CBR3: variants seen among roughly 807,000 people sequenced by gnomAD.
CBR3 encodes carbonyl reductase [NADPH] 3.
A neutral mutation model predicts 11.6 loss-of-function variants in CBR3; 14 were observed. The ratio of observed to expected loss-of-function variants is 1.20; its 90% CI spans 0.79 to 1.88. CBR3 has a LOEUF of 1.88. Among genes scored for constraint, CBR3 ranks in the 40% most tolerant of loss-of-function variants. The pLI is 0.00. For synonymous variants in CBR3, 125 were observed against 145.6 expected (o/e 0.86, Z 1.02); for missense variants, 308 against 357.3 (o/e 0.86, Z 1.11).
At position 36,146,183 on chromosome 21, in the gene CBR3, G is replaced by A. The variant is rs1229241189; in HGVS notation, c.505G>A (p.Val169Met). Residue 169 changes from valine to methionine, a missense_variant, in exon 3 of 3, where the codon GTG becomes ATG. Physicochemically the swap from Val to Met is conservative, Grantham distance 21 (BLOSUM62 1). Coordinates refer to ENST00000290354, the MANE Select transcript of CBR3 (RefSeq NM_001236.4). ...HSETLTEGDL[V>M]DLMKKFVEDT... is the part of the protein sequence containing the mutation. Reference sequence around the variant, plus strand: ...TGAGACACTCACAGAAGGAGACCTGGTGGATCTCATGAAAAAGTTTGTGGA... The same window carrying A: ...TGAGACACTCACAGAAGGAGACCTGATGGATCTCATGAAAAAGTTTGTGGA... The A allele has an allele frequency of 1.2e-6, 2 of 1,614,122 alleles. No homozygotes were observed. The highest frequency in any genetic ancestry group is 1.7e-6 in the Non-Finnish European group (2 of 1,180,002).
chr21:36,140,189 G>A (rs1043552037), intron 2 of CBR3, among the ~76,000 whole-genome samples: 1 of 151,962 alleles, frequency 6.6e-6, no homozygotes, highest in Non-Finnish European at 1.5e-5. Flanking sequence ...GCACTCAGAC[G>A]CAAAAAGTTC....
Position 36,135,357 on chromosome 21 carries a change from G to A in CBR3, c.165G>A (p.Leu55=). 6.2e-7 allele frequency: 1 copy of A among 1,612,836 alleles called. No individual in the cohort carries two copies. Among genetic ancestry groups the A allele is most frequent in the Non-Finnish European group, 8.5e-7 (1 of 1,179,802 alleles). Reference sequence around the variant, plus strand: ...TGCAGCAGCTGCAGGCGGAGGGCCTGAGCCCGCGCTTCCACCAACTGGACA... The same window carrying A: ...TGCAGCAGCTGCAGGCGGAGGGCCTAAGCCCGCGCTTCCACCAACTGGACA... ...AAVQQLQAEG[L]SPRFHQLDID... is the part of the protein sequence containing the mutation. The change falls in exon 1 of 3, where the codon CTG becomes CTA. Residue 55 remains leucine (L), a synonymous_variant. Transcript: ENST00000290354.
At position 36,135,185 on chromosome 21, in the gene CBR3, G is replaced by A. The variant is rs2123332551; in HGVS notation, c.-8G>A. The A allele has an allele frequency of 6.9e-7, 1 of 1,449,440 alleles. No homozygotes were observed. The highest frequency in any genetic ancestry group is 1.4e-5 in the South Asian group (1 of 68,970). 89.8% of individuals were successfully genotyped at this position (1,449,440 alleles called of 1,614,324 possible). On this transcript the variant is annotated 5_prime_UTR_variant, in exon 1 of 3. Coordinates refer to ENST00000290354, the MANE Select transcript of CBR3 (RefSeq NM_001236.4). ...TCCACGCAGGTGCCCCGCGCTCCCC[G>A]CTCAGCCATGTCGTCCTGCAGCCGC...
chr21:36,142,737 T>C (rs1429354923), intron 2 of CBR3, among the ~76,000 whole-genome samples: 2 of 152,152 alleles, frequency 1.3e-5, no homozygotes, highest in East Asian at 3.9e-4. Context: ...TAACAATTAG[T>C]GAACTTAGGT....
intron 2 of CBR3, among the ~76,000 whole-genome samples, chr21:36,140,824 G>A (rs553398731): frequency 6.6e-5 from 10 of 151,956 alleles, no homozygotes; most frequent in South Asian, 4.2e-4. Context: ...TGGCTAACAC[G>A]GTGAAACCCC....
chr21:36,135,298 A>C lies in CBR3; in HGVS notation c.106A>C (p.Thr36Pro), dbSNP rs2065649411. The C allele has an allele frequency of 3.7e-6, 6 of 1,609,712 alleles. No homozygotes were observed. The highest frequency in any genetic ancestry group is 5.1e-6 in the Non-Finnish European group (6 of 1,178,516). The stretch of plus-strand genomic sequence containing the variant: ...ACAGTTCTCTGGGGATGTGGTGCTC[A>C]CCGCGCGGGACGTGGCGCGGGGCCA... Reference protein sequence around the residue: ...CRQFSGDVVLTARDVARGQAA... With the variant: ...CRQFSGDVVLPARDVARGQAA... The change falls in exon 1 of 3, where the codon ACC (threonine) becomes CCC (proline). Residue 36 changes from threonine (T) to proline (P), a missense_variant. Physicochemically the swap from Thr to Pro is conservative, Grantham distance 38. Coordinates refer to ENST00000290354, the MANE Select transcript of CBR3 (RefSeq NM_001236.4).
At chr21:36,145,973 A>G in intron 2 of CBR3, 103 bp from the exon 3 acceptor site, 1 of 806,924 alleles carries the variant, frequency 1.2e-6, no homozygotes, top group East Asian at 2.7e-5. Flanking sequence ...AAAAAAAAAA[A>G]AAAAAAAACC....
chr21:36,137,500 AAGAAAGGAAGGAAGG>A lies in CBR3; in HGVS notation c.290-323_290-309del, dbSNP rs1294701878. ...AGAAAGAAAGAAAGAAAAGAAAAGA[AAGAAAGGAAGGAAGG>A]AAGGAAGGAAGGAAGGAAGGAAGGA... On this transcript the variant is annotated intron_variant, in intron 1 of 2. Transcript: ENST00000290354. 56 of 169,300 alleles carry A rather than the reference AAGAAAGGAAGGAAGG, an allele frequency of 3.3e-4. 1 individual carries two copies. In the Middle Eastern group the frequency reaches 0.016, roughly 49 times the overall value. 10.5% of individuals were successfully genotyped at this position (169,300 alleles called of 1,614,324 possible).
At chr21:36,144,575 C>T (rs1182136522) in intron 2 of CBR3, among the ~76,000 whole-genome samples, 3 of 76,414 alleles carry the variant, frequency 3.9e-5, no homozygotes, top group Non-Finnish European at 7.9e-5. Context: ...TGCAGTGAGC[C>T]GAGATTGTGC....
At chr21:36,143,947 G>C (rs2065734589) in intron 2 of CBR3, among the ~76,000 whole-genome samples, 1 of 151,456 alleles carries the variant, frequency 6.6e-6, no homozygotes, top group Non-Finnish European at 1.5e-5. Flanking sequence ...TTCCACACGT[G>C]AAGTGTCCAT....
chr21:36,135,733 C>G, intron 1 of CBR3: 1 of 455,288 alleles, frequency 2.2e-6, no homozygotes, highest in Non-Finnish European at 3.9e-6. Context: ...CCGGGGCCCT[C>G]CCCGAACTGT....
chr21:36,144,111 C>A (rs1355708299), intron 2 of CBR3, among the ~76,000 whole-genome samples: 1 of 151,986 alleles, frequency 6.6e-6, no homozygotes, highest in African/African-American at 2.4e-5. Flanking sequence ...CCTCAGAAAG[C>A]AGGTTTATAA....
At chr21:36,137,599 T>G (rs1055019070) in intron 1 of CBR3, among the ~76,000 whole-genome samples, 3 of 152,114 alleles carry the variant, frequency 2.0e-5, no homozygotes, top group Non-Finnish European at 4.4e-5. Context: ...TCCAGCCCTT[T>G]GCAATCAGAA....
intron 2 of CBR3, among the ~76,000 whole-genome samples, chr21:36,144,228 G>A (rs2065737082): frequency 1.3e-5 from 2 of 151,966 alleles, no homozygotes; most frequent in Admixed American, 6.6e-5. Context: ...AGGCCAAAGC[G>A]GGCGGATCTC....
intron 1 of CBR3, chr21:36,137,489 A>G (rs2065668448): frequency 5.0e-6 from 1 of 201,372 alleles, no homozygotes; most frequent in South Asian, 9.6e-5. Context: ...AGAAAGAAAG[A>G]AAAGAAAAGA....
Position 36,146,161 on chromosome 21 carries a change from G to C in CBR3, c.483G>C (p.Glu161Asp). ...ATCTGCAGGAAAGGTTCCACAGTGA[G>C]ACACTCACAGAAGGAGACCTGGTGG... ...SEDLQERFHSETLTEGDLVDL... is the reference protein window; with the variant it reads ...SEDLQERFHSDTLTEGDLVDL... Residue 161 changes from glutamate to aspartate, a missense_variant, in exon 3 of 3, where the codon GAG (glutamate) becomes GAC (aspartate). Glu to Asp is a conservative substitution (Grantham distance 45). Coordinates refer to ENST00000290354, the MANE Select transcript of CBR3 (RefSeq NM_001236.4). 1 of 1,614,034 alleles carries C rather than the reference G, an allele frequency of 6.2e-7. No individual in the cohort carries two copies. The highest frequency in any genetic ancestry group is 1.6e-4 in the Middle Eastern group (1 of 6,062).
chr21:36,146,175 G>A lies in CBR3; in HGVS notation c.497G>A (p.Gly166Glu), dbSNP rs558259510. The A allele has an allele frequency of 6.2e-7, 1 of 1,614,110 alleles. No homozygotes were observed. Among genetic ancestry groups the A allele is most frequent in the East Asian group, 2.2e-5 (1 of 44,882 alleles). The change falls in exon 3 of 3, where the codon GGA becomes GAA. Residue 166 changes from glycine (G) to glutamate (E), a missense_variant. Physicochemically the swap from Gly to Glu is moderately conservative, Grantham distance 98. Transcript: ENST00000290354. Reference sequence around the variant, plus strand: ...TTCCACAGTGAGACACTCACAGAAGGAGACCTGGTGGATCTCATGAAAAAG... The same window carrying A: ...TTCCACAGTGAGACACTCACAGAAGAAGACCTGGTGGATCTCATGAAAAAG... Reference protein sequence around the residue: ...ERFHSETLTEGDLVDLMKKFV... With the variant: ...ERFHSETLTEEDLVDLMKKFV...
At chr21:36,142,093 G>C in intron 2 of CBR3, 1 of 168,722 alleles carries the variant, frequency 5.9e-6, no homozygotes, top group Non-Finnish European at 1.2e-5. Flanking sequence ...AAAAGTCATT[G>C]CCAACTACCT....
chr21:36,142,565 G>A (rs540093854), intron 2 of CBR3, among the ~76,000 whole-genome samples: 1 of 151,900 alleles, frequency 6.6e-6, no homozygotes, highest in Non-Finnish European at 1.5e-5. Context: ...TAATAGTGTT[G>A]TATAATGATA....
Sources: allele counts gnomAD v4.1 joint callset (sites outside exome capture counted in the v4.1 genomes callset), GRCh38; gene constraint gnomAD v4.1.1; transcripts MANE v1.5; gene names NCBI Gene and HGNC (gene_info 2026-07-23, HGNC 2026-07-21).